Variants in CCL17 observed in about 807,000 individuals in gnomAD.
The protein encoded by CCL17 is C-C motif chemokine ligand 17.
In CCL17, 8 loss-of-function variants were observed where a neutral mutation model predicts 7.4. That is an observed-to-expected ratio of 1.09 (90% CI 0.64 to 1.96). CCL17 has a LOEUF of 1.96. Ranked by LOEUF, CCL17 falls within the 30% of genes most tolerant of loss-of-function variation. CCL17 has a pLI of 0.00. For synonymous variants in CCL17, 40 were observed against 46.1 expected, an observed-to-expected ratio of 0.87 and a Z score of 0.54; for missense variants, 102 against 113.0, an observed-to-expected ratio of 0.90 and a Z score of 0.44.
At chr16:57,397,538 G>T in the CCL17 span, among the ~76,000 whole-genome samples, 1 of 152,154 alleles carries the variant, frequency 6.6e-6, no homozygotes, top group Non-Finnish European at 1.5e-5. Context: ...TCTGCCTGAC[G>T]GTTTCCTTCT....
At chr16:57,411,214 C>G (rs1332700994) in intron 1 of CCL17, among the ~76,000 whole-genome samples, 1 of 152,204 alleles carries the variant, frequency 6.6e-6, no homozygotes, top group African/African-American at 2.4e-5. Context: ...ACCTGCATGT[C>G]CCTATGAGGG....
chr16:57,399,859 C>T (rs1009706007), upstream of CCL17, among the ~76,000 whole-genome samples: 5 of 152,306 alleles, frequency 3.3e-5, no homozygotes, highest in East Asian at 3.9e-4. Context: ...AGCTCGTGCT[C>T]ATAGTGTTAC....
chr16:57,402,186 C>G (rs1394994369), upstream of CCL17, among the ~76,000 whole-genome samples: 1 of 152,220 alleles, frequency 6.6e-6, no homozygotes, highest in Non-Finnish European at 1.5e-5. Flanking sequence ...GAAGTGGCCA[C>G]AGCCCTTCCC....
intron 1 of CCL17, among the ~76,000 whole-genome samples, chr16:57,407,076 A>G (rs1359314961): frequency 6.6e-6 from 1 of 152,190 alleles, no homozygotes; most frequent in Non-Finnish European, 1.5e-5. Flanking sequence ...ACATCGGAGC[A>G]GTTTGGTCAT....
At chr16:57,408,623 C>T (rs1394037084) in intron 1 of CCL17, among the ~76,000 whole-genome samples, 1 of 151,932 alleles carries the variant, frequency 6.6e-6, no homozygotes, top group Non-Finnish European at 1.5e-5. Context: ...GGAGGGAGTG[C>T]AGTGGTGTGA....
At chr16:57,407,164 G>A (rs185317133) in intron 1 of CCL17, among the ~76,000 whole-genome samples, 1 of 152,282 alleles carries the variant, frequency 6.6e-6, no homozygotes, top group East Asian at 1.9e-4. Flanking sequence ...TGGAGAGACA[G>A]GATCATGTTG....
Position 57,415,485 on chromosome 16 carries a change from C to G in CCL17, c.189-280C>G, listed in dbSNP as rs984631769. Among the ~76,000 whole-genome samples, 5 of 152,240 alleles carry G rather than the reference C, an allele frequency of 3.3e-5. No individual in the cohort carries two copies. Among genetic ancestry groups the G allele is most frequent in the Non-Finnish European group, 7.3e-5 (5 of 68,038 alleles). On this transcript the variant is annotated intron_variant, in intron 3 of 3. Transcript: ENST00000219244. The surrounding 1 kb of genome is among the most constrained non-coding windows in gnomAD (Gnocchi z 4.5). ...ACCTCCCCCAGCCTGGGCCTGAGCC[C>G]TGCCCGCAGTCTCCACGTCCCAGGC...
the CCL17 span, among the ~76,000 whole-genome samples, chr16:57,396,806 G>A: frequency 3.8e-4 from 58 of 152,322 alleles, no homozygotes; most frequent in African/African-American, 1.3e-3. Context: ...AGGTGCCCCA[G>A]GGGCAGTCCT....
chr16:57,405,441 C>T (rs1486686395), intron 1 of CCL17, among the ~76,000 whole-genome samples: 2 of 152,088 alleles, frequency 1.3e-5, no homozygotes, highest in Non-Finnish European at 2.9e-5. Context: ...AAGTTTCAGA[C>T]TTGGGGGCAG....
chr16:57,415,490 C>T lies in CCL17; in HGVS notation c.189-275C>T, dbSNP rs774127583. 6.6e-6 allele frequency among the ~76,000 whole-genome samples: 1 copy of T among 152,194 alleles called. No individual in the cohort carries two copies. The highest frequency in any genetic ancestry group is 1.5e-5 in the Non-Finnish European group (1 of 68,020). ...CCCCAGCCTGGGCCTGAGCCCTGCCCGCAGTCTCCACGTCCCAGGCTCTAG... is the reference window on the plus strand; with the variant it reads ...CCCCAGCCTGGGCCTGAGCCCTGCCTGCAGTCTCCACGTCCCAGGCTCTAG... On this transcript the variant is annotated intron_variant, in intron 3 of 3. Transcript: ENST00000219244. The surrounding 1 kb of genome is among the most constrained non-coding windows in gnomAD (Gnocchi z 4.5).
chr16:57,402,675 T>C (rs7192201), upstream of CCL17, among the ~76,000 whole-genome samples: 6,812 of 152,154 alleles, frequency 0.045, 203 homozygotes, highest in Middle Eastern at 0.075. Flanking sequence ...AAGGCACTCA[T>C]TTACAAGGCT....
chr16:57,411,623 G>A (rs559840039), intron 1 of CCL17, among the ~76,000 whole-genome samples: 3 of 152,356 alleles, frequency 2.0e-5, no homozygotes, highest in South Asian at 2.1e-4. Flanking sequence ...TGGCCTCTGC[G>A]GCAAGTGGAG....
At chr16:57,407,524 ACCAT>A (rs1248470931) in intron 1 of CCL17, among the ~76,000 whole-genome samples, 1 of 152,154 alleles carries the variant, frequency 6.6e-6, no homozygotes, top group African/African-American at 2.4e-5. Context: ...TCTCTAAGTG[ACCAT>A]CCATCTATCC....
At position 57,405,368 on chromosome 16, in the gene CCL17, C is replaced by T. The variant is rs144038626; in HGVS notation, c.-60+532C>T. ...GAAGCCAAGCTCCCACTGAAGACAG[C>T]GCTGGGCAGAGTCTCTGCCTGATGT... On this transcript the variant is annotated intron_variant, in intron 1 of 3. Coordinates refer to ENST00000219244, the MANE Select transcript of CCL17 (RefSeq NM_002987.3). Among the ~76,000 whole-genome samples the T allele has an allele frequency of 4.3e-3, 651 of 152,236 alleles. 3 individuals carry two copies. Among genetic ancestry groups the T allele is most frequent in the Middle Eastern group, 0.014 (4 of 294 alleles).
In CCL17 at chr16:57,413,856, A is replaced by G. The variant is rs1231460180; in HGVS notation, c.-59-18A>G. The stretch of plus-strand genomic sequence containing the variant: ...CAAAGAGGTTAAATAGGTCACTGCC[A>G]CCCTCGACTCTCAGCAGGGTGTCTC... On this transcript the variant is annotated intron_variant, in intron 1 of 3. Coordinates refer to ENST00000219244, the MANE Select transcript of CCL17 (RefSeq NM_002987.3). 1.5e-6 allele frequency: 2 copies of G among 1,340,680 alleles called. No homozygotes were observed. Among genetic ancestry groups the G allele is most frequent in the Non-Finnish European group, 2.1e-6 (2 of 969,140 alleles). 83.0% of individuals were successfully genotyped at this position (1,340,680 alleles called of 1,614,324 possible). A position where few individuals can be genotyped will look rare whatever the true frequency, so the allele number is the denominator to read the frequency against.
At position 57,413,984 on chromosome 16, in the gene CCL17, C is replaced by T; in HGVS notation, c.52C>T (p.Leu18=). The T allele has an allele frequency of 6.2e-7, 1 of 1,611,790 alleles. No homozygotes were observed. Among genetic ancestry groups the T allele is most frequent in the Non-Finnish European group, 8.5e-7 (1 of 1,179,138 alleles). The part of the protein sequence containing the change: ...ALVTLLLGAS[L]QHIHAARGTN... ...GGTCACCCTCCTCCTGGGGGCTTCT[C>T]TGCAGCACATCCACGCAGGTGAGAG... Residue 18 remains leucine, a synonymous_variant, in exon 2 of 4, where the codon CTG becomes TTG. Coordinates refer to ENST00000219244, the MANE Select transcript of CCL17 (RefSeq NM_002987.3).
upstream of CCL17, among the ~76,000 whole-genome samples, chr16:57,403,554 T>TATATATAATATATATTTATA (rs1555511508): frequency 8.4e-4 from 24 of 28,482 alleles, no homozygotes; most frequent in African/African-American, 6.0e-3. Context: ...ATATATTTTA[T>TATATATAATATATATTTATA]ATATATATAA....
chr16:57,402,995 A>G (rs1238526202), upstream of CCL17, among the ~76,000 whole-genome samples: 3 of 134,864 alleles, frequency 2.2e-5, 1 homozygote, highest in African/African-American at 8.8e-5. Context: ...ATGGCCTAGC[A>G]TGTCAGAGGA....
rs140656728 is a variant in CCL17 at position 57,415,743 on chromosome 16, G to A, written c.189-22G>A. 1,607 of 1,542,050 alleles carry A rather than the reference G, an allele frequency of 1.0e-3. 15 individuals are homozygous for A. The African/African-American group carries it at 0.019, about 18-fold the overall frequency. ...GGCCCTTCCCCCCCTGCCACTCCTG[G>A]TAACGTCCTCCTTCTGTGTAGTTTT... On this transcript the variant is annotated intron_variant, in intron 3 of 3. Coordinates refer to ENST00000219244, the MANE Select transcript of CCL17 (RefSeq NM_002987.3). This position sits in a 1 kb window ranked among gnomAD's most constrained non-coding sequence, Gnocchi z 4.5.
Sources: gnomAD v4.1 joint callset for allele counts (sites outside exome capture counted in the v4.1 genomes callset) on GRCh38, gnomAD v4.1.1 for gene constraint, Gnocchi (gnomAD v3.1) non-coding constraint, MANE v1.5 for transcripts, NCBI Gene and HGNC (gene_info 2026-07-23, HGNC 2026-07-21) for gene names.